FRY: variants seen among roughly 807,000 people sequenced by gnomAD.
FRY encodes FRY microtubule binding protein.
A neutral mutation model predicts 348.4 loss-of-function variants in FRY; 128 were observed. The ratio of observed to expected loss-of-function variants is 0.37; its 90% CI spans 0.32 to 0.43. The LOEUF (loss-of-function observed/expected upper bound fraction) is 0.43, where lower values mean the gene tolerates loss of function less well. FRY is among the 20% of genes least tolerant of loss of function. FRY has a pLI of 1.00. For synonymous variants in FRY, 1,370 were observed against 1,374.7 expected, an observed-to-expected ratio of 1.00 and a Z score of 0.08; for missense variants, 2,736 against 3,695.2, an observed-to-expected ratio of 0.74 and a Z score of 6.73.
intron 7 of FRY, among the ~76,000 whole-genome samples, chr13:32,130,122 G>A (rs1013184921): frequency 4.8e-5 from 7 of 146,948 alleles, no homozygotes; most frequent in Admixed American, 1.4e-4. Flanking sequence ...GTGCTGTGGC[G>A]TGATCTTGGC....
intron 1 of FRY, among the ~76,000 whole-genome samples, chr13:32,058,854 G>A (rs903825973): frequency 3.9e-5 from 6 of 152,198 alleles, no homozygotes; most frequent in Non-Finnish European, 8.8e-5. Flanking sequence ...GGCTGCCATT[G>A]TTTAGAAGTC....
At chr13:32,085,798 T>C (rs770251896) in intron 2 of FRY, 7 of 502,484 alleles carry the variant, frequency 1.4e-5, no homozygotes, top group Admixed American at 2.0e-5. Context: ...GACTGTCTCC[T>C]GTTGCCATTT....
chr13:32,043,218 A>G (rs1872836880), intron 1 of FRY, among the ~76,000 whole-genome samples: 1 of 152,172 alleles, frequency 6.6e-6, no homozygotes, highest in South Asian at 2.1e-4. Flanking sequence ...GTATGGGAGA[A>G]ATTGCCCCCA....
At chr13:32,224,819 C>A in intron 37 of FRY, 114 bp from the exon 38 acceptor site, 1 of 738,244 alleles carries the variant, frequency 1.4e-6, no homozygotes, top group Non-Finnish European at 2.4e-6. Flanking sequence ...CGAATAAGAG[C>A]CTTATATAAT....
At chr13:32,185,551 A>G (rs1288815809) in intron 26 of FRY, among the ~76,000 whole-genome samples, 1 of 152,226 alleles carries the variant, frequency 6.6e-6, no homozygotes, top group Non-Finnish European at 1.5e-5. Flanking sequence ...CTACCAACAC[A>G]TTAAATGTAA....
chr13:32,099,370 A>G (rs1474976323), intron 2 of FRY, among the ~76,000 whole-genome samples: 1 of 151,852 alleles, frequency 6.6e-6, no homozygotes, highest in Non-Finnish European at 1.5e-5. Context: ...ACACATACAC[A>G]CACACAAATA....
rs912288625 is a variant in FRY, at chr13:32,296,960, T to C, written c.*1500T>C. ...ATCCTTCAAATTTGGAAGTTAATTC[T>C]ATAGTGAGCAGGAAAAAGTAGTAGA... On this transcript the variant is annotated 3_prime_UTR_variant, in exon 61 of 61. Coordinates refer to ENST00000542859, the MANE Select transcript of FRY (RefSeq NM_023037.3). 6.6e-6 allele frequency: 1 copy of C among 152,256 alleles called. No homozygotes were observed. The highest frequency in any genetic ancestry group is 2.4e-5 in the African/African-American group (1 of 41,466). The allele number at this position is 152,256 out of a possible 1,614,324, so 9.4% of individuals were successfully genotyped here. A position where few individuals can be genotyped will look rare whatever the true frequency, so the allele number is the denominator to read the frequency against.
chr13:32,121,862 G>A (rs1431990856), intron 4 of FRY, among the ~76,000 whole-genome samples: 1 of 152,160 alleles, frequency 6.6e-6, no homozygotes, highest in Non-Finnish European at 1.5e-5. Context: ...CTAAGTCAGT[G>A]TCTAGAAGGG....
At chr13:32,157,450 A>G (rs1360730468) in intron 16 of FRY, 45 bp downstream of exon 16, 1 of 1,560,596 alleles carries the variant, frequency 6.4e-7, no homozygotes, top group Non-Finnish European at 8.8e-7. Flanking sequence ...ATTAACCAGA[A>G]AACACAAGTA....
rs1880809869 is a variant in FRY at position 32,151,787 on chromosome 13, A to T, written c.1479+1953A>T. Among the ~76,000 whole-genome samples the T allele has an allele frequency of 3.9e-5, 6 of 152,326 alleles. No individual in the cohort carries two copies. In the South Asian group the frequency reaches 1.2e-3, roughly 32 times the overall value. Reference sequence around the variant, plus strand: ...TTGACCTAAAATAACCTGAAGTCGGAGGTCTTATGTAGTGCTAGCGGCAAG... The same window carrying T: ...TTGACCTAAAATAACCTGAAGTCGGTGGTCTTATGTAGTGCTAGCGGCAAG... On this transcript the variant is annotated intron_variant, in intron 14 of 60. Transcript: ENST00000542859.
chr13:32,055,784 T>C (rs767747438), intron 1 of FRY, among the ~76,000 whole-genome samples: 7 of 152,288 alleles, frequency 4.6e-5, no homozygotes, highest in South Asian at 2.1e-4. Context: ...GGAAAACTTT[T>C]TGGAAAAAGA....
At chr13:32,159,239 A>C (rs1441524839) in intron 16 of FRY, among the ~76,000 whole-genome samples, 3 of 143,226 alleles carry the variant, frequency 2.1e-5, no homozygotes, top group African/African-American at 7.8e-5. Context: ...ATCATTTCTT[A>C]AAAAAAAAAA....
At chr13:32,062,215 T>C (rs951010862) in intron 1 of FRY, among the ~76,000 whole-genome samples, 3 of 151,880 alleles carry the variant, frequency 2.0e-5, no homozygotes, top group Admixed American at 6.6e-5. Flanking sequence ...ATAACAAGCA[T>C]ACAAGATAAA....
chr13:32,286,152 CTAAT>C (rs1195772469), intron 58 of FRY, among the ~76,000 whole-genome samples: 1 of 152,130 alleles, frequency 6.6e-6, no homozygotes, highest in Non-Finnish European at 1.5e-5. Flanking sequence ...TTTGTCGATA[CTAAT>C]TAATAAGTTG....
rs747302144 is a variant in FRY, at chr13:32,295,338, G to C, written c.8920G>C (p.Glu2974Gln). ...ALVGSNQSLT[E>Q]ICTKLMELNM... The stretch of plus-strand genomic sequence containing the variant: ...GGTGGGGTCTAACCAGAGCCTGACC[G>C]AGATCTGCACCAAGCTGATGGAGCT... The change falls in exon 61 of 61, where the codon GAG becomes CAG. Residue 2974 changes from glutamate to glutamine, a missense_variant. Glu to Gln is a conservative substitution (Grantham distance 29, BLOSUM62 2). Around this residue, in one of 9 missense-constraint regions of FRY, gnomAD observed 157 missense variants for 215.2 expected, o/e 0.73. Coordinates refer to ENST00000542859, the MANE Select transcript of FRY (RefSeq NM_023037.3). 3 of 1,613,912 alleles carry C rather than the reference G, an allele frequency of 1.9e-6. No homozygotes were observed. The highest frequency in any genetic ancestry group is 2.5e-6 in the Non-Finnish European group (3 of 1,179,992).
intron 28 of FRY, among the ~76,000 whole-genome samples, 179 bp from the exon 29 acceptor site, chr13:32,193,964 A>C (rs547337141): frequency 1.3e-5 from 2 of 152,304 alleles, no homozygotes; most frequent in South Asian, 2.1e-4. Flanking sequence ...TAATGTATAC[A>C]TTTCAGTTTT....
intron 29 of FRY, among the ~76,000 whole-genome samples, chr13:32,198,482 TGGGCTGTCTA>T (rs1883818775): frequency 6.6e-6 from 1 of 152,202 alleles, no homozygotes; most frequent in Non-Finnish European, 1.5e-5. Flanking sequence ...TGCACTATCG[TGGGCTGTCTA>T]GGAGACTGAG....
At chr13:32,179,963 C>G (rs544957537) in intron 23 of FRY, among the ~76,000 whole-genome samples, 164 bp downstream of exon 23, 9 of 152,314 alleles carry the variant, frequency 5.9e-5, no homozygotes, top group South Asian at 2.1e-4. Flanking sequence ...ATGTAACAAG[C>G]ATTCCTTGCA....
At position 32,278,450 on chromosome 13, in the gene FRY, CTCTCTT is replaced by C. The variant is rs1430162721; in HGVS notation, c.8386-11_8386-6del. The C allele has an allele frequency of 7.0e-7, 1 of 1,436,130 alleles. No individual in the cohort carries two copies. Among genetic ancestry groups the C allele is most frequent in the Admixed American group, 1.7e-5 (1 of 59,774 alleles). 89.0% of individuals were successfully genotyped at this position (1,436,130 alleles called of 1,614,324 possible). A position where few individuals can be genotyped will look rare whatever the true frequency, so the allele number is the denominator to read the frequency against. Reference sequence around the variant, plus strand: ...TTGCTGAATTTACCTATGTCTTTCCCTCTCTTTCTGACAGTGGCTTGCAAATTGTAA... The same window carrying C: ...TTGCTGAATTTACCTATGTCTTTCCCTCTGACAGTGGCTTGCAAATTGTAA... On this transcript the variant is annotated splice_polypyrimidine_tract_variant and intron_variant, in intron 57 of 60. Coordinates refer to ENST00000542859, the MANE Select transcript of FRY (RefSeq NM_023037.3).
Sources: gnomAD v4.1 joint callset for allele counts (sites outside exome capture counted in the v4.1 genomes callset) on GRCh38, gnomAD v4.1.1 for gene constraint, gnomAD v4.1.1 regional missense constraint, MANE v1.5 for transcripts, NCBI Gene and HGNC (gene_info 2026-07-23, HGNC 2026-07-21) for gene names.